ASIC2: variants seen among roughly 807,000 people sequenced by gnomAD.
ASIC2 encodes acid-sensing ion channel 2.
In ASIC2, 25 loss-of-function variants were observed where a neutral mutation model predicts 57.3. The ratio of observed to expected loss-of-function variants is 0.44; its 90% CI spans 0.32 to 0.61. The LOEUF (loss-of-function observed/expected upper bound fraction) is 0.61. ASIC2 is among the 20% of genes least tolerant of loss of function. The pLI, the probability that ASIC2 is intolerant of heterozygous loss-of-function variation, is 0.06. For synonymous variants in ASIC2, 319 were observed against 307.5 expected (o/e 1.04, Z -0.39); for missense variants, 641 against 738.1 (o/e 0.87, Z 1.52).
At chr17:33,064,867 CTG>C (rs1340713002) in intron 3 of ASIC2, among the ~76,000 whole-genome samples, 1 of 152,212 alleles carries the variant, frequency 6.6e-6, no homozygotes, top group Non-Finnish European at 1.5e-5. Flanking sequence ...TTCTACTTTT[CTG>C]TGTTTTCCAA....
intron 1 of ASIC2, among the ~76,000 whole-genome samples, chr17:33,815,188 A>G (rs1468279844): frequency 1.3e-5 from 2 of 152,196 alleles, no homozygotes; most frequent in East Asian, 1.9e-4. Context: ...TCAGTTTCCC[A>G]TAGTGGGGTC....
chr17:33,175,593 A>G (rs1181182917), intron 1 of ASIC2, among the ~76,000 whole-genome samples: 1 of 152,042 alleles, frequency 6.6e-6, no homozygotes, highest in Non-Finnish European at 1.5e-5. Flanking sequence ...GACTTAATGT[A>G]GTTCCCACAT....
chr17:33,777,074 G>A (rs1183679956), intron 1 of ASIC2, among the ~76,000 whole-genome samples: 3 of 152,070 alleles, frequency 2.0e-5, no homozygotes, highest in Non-Finnish European at 2.9e-5. Flanking sequence ...CTGGCACCAA[G>A]CCAATGTCTG....
intron 1 of ASIC2, among the ~76,000 whole-genome samples, chr17:33,669,131 G>A (rs1271604628): frequency 6.6e-6 from 1 of 152,168 alleles, no homozygotes; most frequent in East Asian, 1.9e-4. Flanking sequence ...TTGGAAGCCT[G>A]TTCCCTAGAG....
At chr17:33,113,399 C>G (rs2092267674) in intron 1 of ASIC2, among the ~76,000 whole-genome samples, 1 of 152,196 alleles carries the variant, frequency 6.6e-6, no homozygotes, top group African/African-American at 2.4e-5. Context: ...TGCTTTCAAA[C>G]CTCGAGCTGA....
intron 1 of ASIC2, among the ~76,000 whole-genome samples, chr17:33,710,069 A>C (rs929266666): frequency 6.6e-6 from 1 of 152,172 alleles, no homozygotes; most frequent in Non-Finnish European, 1.5e-5. Context: ...AGGTTGATGG[A>C]GCAGAAAGGA....
chr17:34,140,498 T>C (rs1912243495), intron 1 of ASIC2, among the ~76,000 whole-genome samples: 1 of 152,190 alleles, frequency 6.6e-6, no homozygotes, highest in African/African-American at 2.4e-5. Flanking sequence ...TAGCATTTCC[T>C]GTTCAAATGA....
chr17:33,401,958 T>C (rs913398194), intron 1 of ASIC2, among the ~76,000 whole-genome samples: 1 of 152,190 alleles, frequency 6.6e-6, no homozygotes, highest in African/African-American at 2.4e-5. Context: ...ACCCAGAAGA[T>C]TGTGAAAGAA....
intron 1 of ASIC2, among the ~76,000 whole-genome samples, chr17:33,696,690 T>A (rs937814779): frequency 2.0e-5 from 3 of 152,190 alleles, no homozygotes; most frequent in African/African-American, 7.2e-5. Context: ...CAAATTTAAC[T>A]AACAGCCTAC....
At chr17:33,570,820 T>A (rs1916409040) in intron 1 of ASIC2, among the ~76,000 whole-genome samples, 1 of 152,136 alleles carries the variant, frequency 6.6e-6, no homozygotes, top group South Asian at 2.1e-4. Context: ...TCTCTCCATG[T>A]GGCATCTCAT....
chr17:33,893,821 G>T (rs147571907), intron 1 of ASIC2, among the ~76,000 whole-genome samples: 1 of 152,210 alleles, frequency 6.6e-6, no homozygotes, highest in African/African-American at 2.4e-5. Context: ...CTTTGCAACA[G>T]AAGACACTCA....
chr17:34,123,252 T>C (rs1193946591), intron 1 of ASIC2, among the ~76,000 whole-genome samples: 1 of 152,082 alleles, frequency 6.6e-6, no homozygotes, highest in African/African-American at 2.4e-5. Context: ...GCCTGGATTC[T>C]AGGCAGGGCA....
At chr17:33,295,296 C>T (rs1203219125), upstream of ASIC2, among the ~76,000 whole-genome samples, 3 of 152,122 alleles carry the variant, frequency 2.0e-5, no homozygotes, top group Non-Finnish European at 2.9e-5. Flanking sequence ...CTCAAGGGGC[C>T]TTGACACAGA....
chr17:33,833,262 C>T (rs981719486), intron 1 of ASIC2, among the ~76,000 whole-genome samples: 2 of 152,004 alleles, frequency 1.3e-5, no homozygotes, highest in Non-Finnish European at 2.9e-5. Context: ...ATGTCTGTTT[C>T]GTTTACCATT....
In ASIC2 at chr17:33,957,423, T is replaced by A. The variant is rs561394023; in HGVS notation, c.555+198555A>T. Among the ~76,000 whole-genome samples the A allele has an allele frequency of 4.9e-4, 75 of 152,290 alleles. No homozygotes were observed. In the South Asian group the frequency reaches 7.9e-3, roughly 16 times the overall value. ...TAAGGACATATCTGAAACTGGGTAATTTATAAAGATAAGAGGTTTAATGCA... is the reference window on the plus strand; with the variant it reads ...TAAGGACATATCTGAAACTGGGTAAATTATAAAGATAAGAGGTTTAATGCA... On this transcript the variant is annotated intron_variant, in intron 1 of 9. Transcript: ENST00000359872.
chr17:33,892,328 T>G (rs1197143142), intron 1 of ASIC2, among the ~76,000 whole-genome samples: 1 of 152,024 alleles, frequency 6.6e-6, no homozygotes, highest in Non-Finnish European at 1.5e-5. Context: ...TGAACTGAGA[T>G]CTGAGTGAGA....
intron 1 of ASIC2, among the ~76,000 whole-genome samples, chr17:33,689,450 G>A (rs899396609): frequency 1.3e-5 from 2 of 152,170 alleles, no homozygotes; most frequent in Non-Finnish European, 2.9e-5. Flanking sequence ...CTCCAGTGGT[G>A]TCAATCAAAA....
At chr17:33,847,782 A>G (rs1913651802) in intron 1 of ASIC2, among the ~76,000 whole-genome samples, 1 of 152,170 alleles carries the variant, frequency 6.6e-6, no homozygotes, top group Admixed American at 6.5e-5. Flanking sequence ...GCACAGAGGA[A>G]AGTACAGGCC....
chr17:33,299,408 C>T (rs767847456), intron 1 of ASIC2, among the ~76,000 whole-genome samples: 38 of 152,298 alleles, frequency 2.5e-4, no homozygotes, highest in Middle Eastern at 3.4e-3. Context: ...TTCTCCCCTG[C>T]GGTTTTACTC....
Sources: gnomAD v4.1 joint callset for allele counts (sites outside exome capture counted in the v4.1 genomes callset) on GRCh38, gnomAD v4.1.1 for gene constraint, MANE v1.5 for transcripts, NCBI Gene and HGNC (gene_info 2026-07-23, HGNC 2026-07-21) for gene names.